Variants in CYLC1 observed in about 807,000 individuals in gnomAD.
CYLC1 encodes the protein cylicin-1.
CYLC1 carries 2 observed loss-of-function variants against 31.6 expected under a neutral mutation model. The ratio of observed to expected loss-of-function variants is 0.06; its 90% CI spans 0.03 to 0.20. The LOEUF (loss-of-function observed/expected upper bound fraction) is 0.20. Ranked by LOEUF, CYLC1 falls within the 10% of genes least tolerant of loss-of-function variation. The pLI, the probability that CYLC1 is intolerant of heterozygous loss-of-function variation, is 1.00. For synonymous variants in CYLC1, 185 were observed against 153.0 expected, an observed-to-expected ratio of 1.21 and a Z score of -1.54; for missense variants, 595 against 424.1, an observed-to-expected ratio of 1.40 and a Z score of -3.54.
intron 1 of CYLC1, among the ~76,000 whole-genome samples, chrX:83,868,763 A>G (rs923720579): frequency 1.4e-4 from 16 of 111,327 alleles, no homozygotes; most frequent in South Asian, 3.7e-4. Context: ...CTTTGTATCT[A>G]TATTCCATTA....
At chrX:83,878,362 T>TAA (rs2031844825) in intron 4 of CYLC1, among the ~76,000 whole-genome samples, 1 of 47,259 alleles carries the variant, frequency 2.1e-5, no homozygotes, top group African/African-American at 8.7e-5. Flanking sequence ...TATATATAAA[T>TAA]ATATATAAAT....
chrX:83,868,137 C>T (rs1267411996), intron 1 of CYLC1, among the ~76,000 whole-genome samples: 1 of 110,984 alleles, frequency 9.0e-6, no homozygotes, highest in Non-Finnish European at 1.9e-5. Context: ...CAGGATTTCA[C>T]TCCAGATCAA....
chrX:83,884,092 C>T (rs1239546922), intron 4 of CYLC1, among the ~76,000 whole-genome samples: 1 of 111,171 alleles, frequency 9.0e-6, no homozygotes, highest in Non-Finnish European at 1.9e-5. Context: ...AAGGAGAAAA[C>T]AGTTTACAGC....
At chrX:83,865,025 C>G (rs1263389931) in intron 1 of CYLC1, among the ~76,000 whole-genome samples, 2 of 111,021 alleles carry the variant, frequency 1.8e-5, no homozygotes, top group Admixed American at 1.9e-4. Context: ...CATCTAAATG[C>G]TGATGAATTC....
rs1263490653 is a variant in CYLC1 at position 83,874,326 on chromosome X, G to A, written c.1618G>A (p.Gly540Ser). The change falls in exon 4 of 5, where the codon GGT (glycine) becomes AGT (serine). Residue 540 changes from glycine to serine, a missense_variant. By Grantham distance (56) the Gly-to-Ser change is moderately conservative. Coordinates refer to ENST00000329312, the MANE Select transcript of CYLC1 (RefSeq NM_021118.3). ...TGFKTSTKIK[G>S]SDTESEESLY... ...CTTTAAAACATCTACAAAAATCAAA[G>A]GTTCAGATACTGAATCTGAAGAGTC... 4.1e-6 allele frequency: 5 copies of A among 1,208,883 alleles called. No homozygotes were observed. In the East Asian group the frequency reaches 1.5e-4, roughly 36 times the overall value.
At chrX:83,865,161 C>A (rs1358219642) in intron 1 of CYLC1, among the ~76,000 whole-genome samples, 1 of 111,084 alleles carries the variant, frequency 9.0e-6, no homozygotes, top group Non-Finnish European at 1.9e-5. Flanking sequence ...AAACAAAATT[C>A]TTGTTTTATA....
chrX:83,866,143 A>G (rs760219565), intron 1 of CYLC1, among the ~76,000 whole-genome samples: 2 of 111,731 alleles, frequency 1.8e-5, no homozygotes, highest in Non-Finnish European at 3.8e-5. Flanking sequence ...CCTGGGGTGA[A>G]ATTACCCTAT....
chrX:83,886,563 G>A lies in CYLC1; in HGVS notation c.1935G>A (p.Pro645=), dbSNP rs375075510. The A allele has an allele frequency of 4.1e-6, 5 of 1,208,102 alleles. No individual in the cohort carries two copies. Among genetic ancestry groups the A allele is most frequent in the East Asian group, 5.9e-5 (2 of 33,755 alleles). ...ACTTTGCTCCTCAGCCTGAAGCACCGTGGATTCATAAGCTGCTTTAAAGAA... is the reference window on the plus strand; with the variant it reads ...ACTTTGCTCCTCAGCCTGAAGCACCATGGATTCATAAGCTGCTTTAAAGAA... ...KPRYAPLPEA[P]WIHKLL The change falls in exon 5 of 5, where the codon CCG becomes CCA. Residue 645 remains proline (P), a synonymous_variant. Transcript: ENST00000329312.
At chrX:83,876,618 G>A (rs928877374) in intron 4 of CYLC1, among the ~76,000 whole-genome samples, 6 of 110,198 alleles carry the variant, frequency 5.4e-5, no homozygotes, top group Middle Eastern at 4.7e-3. Context: ...TCCTTTAAAG[G>A]TTACCAAATA....
chrX:83,870,078 T>C (rs1006866046), intron 2 of CYLC1, among the ~76,000 whole-genome samples, 173 bp downstream of exon 2: 1 of 111,696 alleles, frequency 9.0e-6, no homozygotes, highest in Non-Finnish European at 1.9e-5. Flanking sequence ...GGTAGGTGTG[T>C]ATGTGTGTGT....
intron 1 of CYLC1, among the ~76,000 whole-genome samples, chrX:83,867,642 C>T (rs2031609507): frequency 9.0e-6 from 1 of 111,069 alleles, no homozygotes; most frequent in Admixed American, 9.7e-5. Flanking sequence ...CCCATTCTTC[C>T]TCCTTCAGAG....
rs151016912 is a variant in CYLC1 at position 83,874,355 on chromosome X, A to G, written c.1647A>G (p.Leu549=). Residue 549 remains leucine, a synonymous_variant, in exon 4 of 5, where the codon CTA becomes CTG. Coordinates refer to ENST00000329312, the MANE Select transcript of CYLC1 (RefSeq NM_021118.3). ...KGSDTESEES[L]YKPGAKKKID... ...CAGATACTGAATCTGAAGAGTCACT[A>G]TATAAACCTGGGGCTAAGAAGAAAA... is the stretch of plus-strand genomic sequence containing the variant. 1.5e-5 allele frequency: 18 copies of G among 1,208,137 alleles called. No individual in the cohort carries two copies. Among genetic ancestry groups the G allele is most frequent in the Admixed American group, 2.2e-5 (1 of 45,519 alleles).
At chrX:83,880,941 A>G (rs1234607673) in intron 4 of CYLC1, among the ~76,000 whole-genome samples, 1 of 112,013 alleles carries the variant, frequency 8.9e-6, no homozygotes, top group African/African-American at 3.2e-5. Context: ...ATTTTCCAGG[A>G]GGAATTATCA....
At chrX:83,884,343 T>A (rs1341867937) in intron 4 of CYLC1, among the ~76,000 whole-genome samples, 1 of 111,616 alleles carries the variant, frequency 9.0e-6, no homozygotes, top group Non-Finnish European at 1.9e-5. Context: ...TTGTCAGATA[T>A]ATAGATTATG....
chrX:83,863,563 T>A (rs1023209152), intron 1 of CYLC1, among the ~76,000 whole-genome samples: 16 of 111,361 alleles, frequency 1.4e-4, no homozygotes, highest in African/African-American at 5.2e-4. Context: ...AAACCTCTAA[T>A]CATGCCACAC....
At chrX:83,884,095 T>C (rs757867833) in intron 4 of CYLC1, among the ~76,000 whole-genome samples, 20 of 111,207 alleles carry the variant, frequency 1.8e-4, no homozygotes, top group African/African-American at 5.9e-4. Context: ...GAGAAAACAG[T>C]TTACAGCCTA....
At chrX:83,885,596 C>T (rs981472429) in intron 4 of CYLC1, among the ~76,000 whole-genome samples, 1 of 109,406 alleles carries the variant, frequency 9.1e-6, no homozygotes. Flanking sequence ...CATTTATTCA[C>T]TGCTGACTTC....
chrX:83,885,629 G>C, intron 4 of CYLC1, among the ~76,000 whole-genome samples: 1 of 109,123 alleles, frequency 9.2e-6, no homozygotes, highest in African/African-American at 3.3e-5. Context: ...ATATAAACCA[G>C]CTTAACTTTC....
chrX:83,872,274 T>C (rs2031676385), intron 3 of CYLC1, among the ~76,000 whole-genome samples: 1 of 111,300 alleles, frequency 9.0e-6, no homozygotes, highest in Non-Finnish European at 1.9e-5. Context: ...GGGTGAGATT[T>C]GAAAATAAAT....
Sources: gnomAD v4.1 joint callset for allele counts (sites outside exome capture counted in the v4.1 genomes callset) on GRCh38, gnomAD v4.1.1 for gene constraint, MANE v1.5 for transcripts, NCBI Gene and HGNC (gene_info 2026-07-23, HGNC 2026-07-21) for gene names.